Variants in THBS3 observed in about 807,000 individuals in gnomAD.
THBS3 encodes thrombospondin-3.
A neutral mutation model predicts 118.3 loss-of-function variants in THBS3; 78 were observed. The observed-to-expected ratio is 0.66, with a 90% CI of 0.55 to 0.80. The LOEUF (loss-of-function observed/expected upper bound fraction) is 0.80, where lower values mean the gene tolerates loss of function less well. THBS3 is among the 30% of genes least tolerant of loss of function. The probability of loss-of-function intolerance (pLI) is 0.00; values close to 1 mark genes in which losing one functional copy is unlikely to be tolerated. For missense variants in THBS3, 1,057 were observed against 1,247.4 expected (o/e 0.85, Z 2.30); for synonymous variants, 427 against 475.3 (o/e 0.90, Z 1.32).
In THBS3 at chr1:155,205,061, T is replaced by C. The variant is rs1466665981; in HGVS notation, c.542A>G (p.Gln181Arg). ...RTGQKAYLRM[Q>R]GFVESMKIIL... The stretch of plus-strand genomic sequence containing the variant: ...ACTCAGAGGCTCCTCCCGGCTCACC[T>C]GCATCCTCAAATACGCCTTCTGTCC... The change falls in exon 3 of 23, where the codon CAG becomes CGG. Residue 181 changes from glutamine (Q) to arginine (R), a missense_variant and splice_region_variant. Physicochemically the swap from Gln to Arg is conservative, Grantham distance 43. This residue lies in a region of THBS3 where 544 missense variants were observed against 715.6 expected (regional missense o/e 0.76). Coordinates refer to ENST00000368378, the MANE Select transcript of THBS3 (RefSeq NM_007112.5). 2 of 1,612,958 alleles carry C rather than the reference T, an allele frequency of 1.2e-6. No homozygotes were observed. Among genetic ancestry groups the C allele is most frequent in the African/African-American group, 2.7e-5 (2 of 74,912 alleles).
At chr1:155,208,257 A>T (rs2148044580), upstream of THBS3, among the ~76,000 whole-genome samples, 1 of 152,348 alleles carries the variant, frequency 6.6e-6, no homozygotes, top group East Asian at 1.9e-4. Context: ...AGTGGGCATT[A>T]TTCCACAGCT....
chr1:155,201,131 G>A lies in THBS3; in HGVS notation c.1403C>T (p.Ala468Val). Residue 468 changes from alanine (A) to valine (V), a missense_variant, in exon 12 of 23, where the codon GCA becomes GTA. Coordinates refer to ENST00000368378, the MANE Select transcript of THBS3 (RefSeq NM_007112.5). Reference protein sequence around the residue: ...DTDIDGYPDQALPCMDNNKHC... With the variant: ...DTDIDGYPDQVLPCMDNNKHC... Reference sequence around the variant, plus strand: ...TTTGTTGTTGTCCATGCAGGGCAGTGCTTGGTCTGGGTAGCCATCGATGTC... The same window carrying A: ...TTTGTTGTTGTCCATGCAGGGCAGTACTTGGTCTGGGTAGCCATCGATGTC... 1 of 1,614,186 alleles carries A rather than the reference G, an allele frequency of 6.2e-7. No individual in the cohort carries two copies. The highest frequency in any genetic ancestry group is 8.5e-7 in the Non-Finnish European group (1 of 1,180,030).
At chr1:155,199,521 A>T (rs1399242806) in intron 16 of THBS3, among the ~76,000 whole-genome samples, 1 of 152,144 alleles carries the variant, frequency 6.6e-6, no homozygotes, top group Non-Finnish European at 1.5e-5. Flanking sequence ...TGGGAGGCAG[A>T]GGCTGGCGGA....
chr1:155,208,690 C>T (rs1472400840), upstream of THBS3: 10 of 1,110,046 alleles, frequency 9.0e-6, no homozygotes, highest in Non-Finnish European at 1.2e-5. Context: ...CTCTTCCCCT[C>T]CCCCACCCAA....
intron 4 of THBS3, 164 bp downstream of exon 4, chr1:155,204,691 A>T (rs1670290339): frequency 1.5e-6 from 1 of 686,216 alleles, no homozygotes; most frequent in Non-Finnish European, 2.6e-6. Flanking sequence ...GGTGTATTGG[A>T]GATTGTGGAG....
upstream of THBS3, chr1:155,208,656 A>G (rs1670881187): frequency 3.6e-6 from 3 of 843,016 alleles, no homozygotes; most frequent in Admixed American, 3.1e-5. Flanking sequence ...AGTTCCCGTC[A>G]CCTAAGCGAC....
rs779701454 is a variant in THBS3, at chr1:155,197,473, A to G, written c.2489T>C (p.Leu830Pro). 5 of 1,612,900 alleles carry G rather than the reference A, an allele frequency of 3.1e-6. No homozygotes were observed. Among genetic ancestry groups the G allele is most frequent in the South Asian group, 1.1e-5 (1 of 91,046 alleles). The change falls in exon 20 of 23, where the codon CTG becomes CCG. Residue 830 changes from leucine to proline, a missense_variant. Around this residue, in one of 3 missense-constraint regions of THBS3, gnomAD observed 307 missense variants for 326.1 expected, o/e 0.94. Coordinates refer to ENST00000368378, the MANE Select transcript of THBS3 (RefSeq NM_007112.5). This position sits in a 1 kb window ranked among gnomAD's most constrained non-coding sequence, Gnocchi z 5.0. Reference protein sequence around the residue: ...TPFRAVAQPGLQLKAVTSVSG... With the variant: ...TPFRAVAQPGPQLKAVTSVSG... ...TGAGCAGCTGGGGACCTTGAGCTGC[A>G]GCCCGGGCTGGGCAACCGCCCGGAA...
At chr1:155,196,150 G>C in intron 21 of THBS3, 24 bp from the exon 22 acceptor site, 2 of 1,613,216 alleles carry the variant, frequency 1.2e-6, no homozygotes, top group Non-Finnish European at 1.7e-6. Flanking sequence ...CAGGATAGGA[G>C]TATCCATTGG....
intron 16 of THBS3, 136 bp from the exon 17 acceptor site, chr1:155,198,738 C>T: frequency 2.6e-6 from 2 of 767,470 alleles, no homozygotes; most frequent in Non-Finnish European, 4.2e-6. Context: ...AGGTGAAGGT[C>T]TGGCAGTAGG....
chr1:155,195,775 T>A lies in THBS3; in HGVS notation c.*66A>T. On this transcript the variant is annotated 3_prime_UTR_variant, in exon 23 of 23. Transcript: ENST00000368378. ...AGGGGCTGTAGCTTAGACCTCAGGG[T>A]CTCCAGGATGGACCCCAAGGCCAAA... The A allele has an allele frequency of 6.4e-7, 1 of 1,556,792 alleles. No homozygotes were observed. The highest frequency in any genetic ancestry group is 8.8e-7 in the Non-Finnish European group (1 of 1,139,286).
chr1:155,197,536 C>T lies in THBS3; in HGVS notation c.2426G>A (p.Trp809Ter). 1 of 1,614,132 alleles carries T rather than the reference C, an allele frequency of 6.2e-7. No homozygotes were observed. The highest frequency in any genetic ancestry group is 8.5e-7 in the Non-Finnish European group (1 of 1,180,020). Residue 809 changes from tryptophan to a stop codon, truncating the protein, a stop_gained, in exon 20 of 23, where the codon TGG becomes TAG. Coordinates refer to ENST00000368378, the MANE Select transcript of THBS3 (RefSeq NM_007112.5). LOFTEE classifies it high-confidence loss of function. The surrounding 1 kb of genome is among the most constrained non-coding windows in gnomAD (Gnocchi z 5.0). ...CCAGTAGGTCTGCTCGGTCTGCTTC[C>T]ACATGACTACGTAGAAGCGGCCACT... The part of the protein sequence containing the change: ...QDSGRFYVVM[W>*]KQTEQTYWQA...
At position 155,203,569 on chromosome 1, in the gene THBS3, G is replaced by A. The variant is rs1376017401; in HGVS notation, c.647-30C>T. ...AGAGGAGAAGAAAACATAGTCAGAGGGGTGAGGTGAAGTGAAGAGAGGCCT... is the reference window on the plus strand; with the variant it reads ...AGAGGAGAAGAAAACATAGTCAGAGAGGTGAGGTGAAGTGAAGAGAGGCCT... On this transcript the variant is annotated intron_variant, in intron 4 of 22. Coordinates refer to ENST00000368378, the MANE Select transcript of THBS3 (RefSeq NM_007112.5). 7.4e-6 allele frequency: 12 copies of A among 1,612,856 alleles called. No individual in the cohort carries two copies. The Middle Eastern group carries it at 5.0e-4, about 68-fold the overall frequency.
rs1348547625 is a variant in THBS3, at chr1:155,197,103, GCCC to G, written c.2607_2609del (p.Gly870del). On this transcript the variant is annotated inframe_deletion, in exon 21 of 23. Coordinates refer to ENST00000368378, the MANE Select transcript of THBS3 (RefSeq NM_007112.5). This position sits in a 1 kb window ranked among gnomAD's most constrained non-coding sequence, Gnocchi z 5.0. The stretch of plus-strand genomic sequence containing the variant: ...AGCGATAGGAGGTCTTGTCCCGCCA[GCCC>G]ACATTTCGTGGGTCTGTCCACAGCA... 6.2e-7 allele frequency: 1 copy of G among 1,614,186 alleles called. No individual in the cohort carries two copies. Among genetic ancestry groups the G allele is most frequent in the African/African-American group, 1.3e-5 (1 of 75,058 alleles).
chr1:155,196,043 A>T lies in THBS3; in HGVS notation c.2756T>A (p.Val919Glu). The change falls in exon 22 of 23, where the codon GTA becomes GAA. Residue 919 changes from valine to glutamate, a missense_variant. Val to Glu is a moderately radical substitution (Grantham distance 121). Transcript: ENST00000368378. ...DTSMRGGRLGVFCFSQENIIW... is the reference protein window; with the variant it reads ...DTSMRGGRLGEFCFSQENIIW... ...TATGTTTTCTTGGGAGAAGCAGAAT[A>T]CACCAAGACGCCCCCCTCGCATGGA... is the stretch of plus-strand genomic sequence containing the variant. The T allele has an allele frequency of 1.9e-6, 3 of 1,614,208 alleles. No homozygotes were observed. The highest frequency in any genetic ancestry group is 2.5e-6 in the Non-Finnish European group (3 of 1,180,034).
rs372805484 is a variant in THBS3 at position 155,203,320 on chromosome 1, G to T, written c.674-15C>A. On this transcript the variant is annotated splice_polypyrimidine_tract_variant and intron_variant, in intron 5 of 22. Transcript: ENST00000368378. ...GGTCTGCTCCCCTGTCGGGACCCAG[G>T]GTGTGAGGGGTTCAGTACTGGAGCA... 5.4e-5 allele frequency: 87 copies of T among 1,613,394 alleles called. No homozygotes were observed. Among genetic ancestry groups the T allele is most frequent in the Non-Finnish European group, 7.3e-5 (86 of 1,179,800 alleles).
Position 155,206,432 on chromosome 1 carries a change from T to G in THBS3, c.80-26A>C. ...CTGGTCAGGCAGGGGTTATCAAGGTTAGAGAATGGGATCAAATGCTAAGGT... is the reference window on the plus strand; with the variant it reads ...CTGGTCAGGCAGGGGTTATCAAGGTGAGAGAATGGGATCAAATGCTAAGGT... On this transcript the variant is annotated intron_variant, in intron 1 of 22. Transcript: ENST00000368378. This position sits in a 1 kb window ranked among gnomAD's most constrained non-coding sequence, Gnocchi z 4.2. 2.5e-6 allele frequency: 4 copies of G among 1,608,690 alleles called. No homozygotes were observed. Among genetic ancestry groups the G allele is most frequent in the Non-Finnish European group, 3.4e-6 (4 of 1,176,108 alleles).
At chr1:155,208,722 C>A, upstream of THBS3, 1 of 1,381,194 alleles carries the variant, frequency 7.2e-7, no homozygotes, top group Non-Finnish European at 9.5e-7. Context: ...GCCTCCGCTC[C>A]GGCCGCCGCC....
chr1:155,199,513 G>A (rs1338975080), intron 16 of THBS3, among the ~76,000 whole-genome samples: 1 of 152,100 alleles, frequency 6.6e-6, no homozygotes, highest in African/African-American at 2.4e-5. Context: ...CAGCACTTTG[G>A]GAGGCAGAGG....
chr1:155,201,153 T>C lies in THBS3; in HGVS notation c.1381A>G (p.Ile461Val), dbSNP rs757553311. 1.9e-6 allele frequency: 3 copies of C among 1,614,216 alleles called. No homozygotes were observed. Among genetic ancestry groups the C allele is most frequent in the Admixed American group, 1.7e-5 (1 of 60,032 alleles). Residue 461 changes from isoleucine to valine, a missense_variant, in exon 12 of 23, where the codon ATC (isoleucine) becomes GTC (valine). Ile to Val is a conservative substitution (Grantham distance 29). Around this residue, in one of 3 missense-constraint regions of THBS3, gnomAD observed 544 missense variants for 715.6 expected, o/e 0.76. Transcript: ENST00000368378. ...NGNVCGTDTD[I>V]DGYPDQALPC... ...AGTGCTTGGTCTGGGTAGCCATCGA[T>C]GTCTGTGTCAGTCCCACACACGTTC... is the stretch of plus-strand genomic sequence containing the variant.
Sources: gnomAD v4.1 joint callset for allele counts (sites outside exome capture counted in the v4.1 genomes callset) on GRCh38, gnomAD v4.1.1 for gene constraint, gnomAD v4.1.1 regional missense constraint, Gnocchi (gnomAD v3.1) non-coding constraint, MANE v1.5 for transcripts, NCBI Gene and HGNC (gene_info 2026-07-23, HGNC 2026-07-21) for gene names.